Variants in PARVB observed in about 807,000 individuals in gnomAD.
PARVB encodes beta-parvin.
PARVB carries 46 observed loss-of-function variants against 47.0 expected under a neutral mutation model. The ratio of observed to expected loss-of-function variants is 0.98; its 90% CI spans 0.77 to 1.25. The LOEUF is 1.25. Among genes scored for constraint, PARVB ranks in the 50% most tolerant of loss-of-function variants. PARVB has a pLI of 0.00. For missense variants in PARVB, 473 were observed against 471.6 expected (o/e 1.00, Z -0.03); for synonymous variants, 196 against 196.3 (o/e 1.00, Z 0.01).
chr22:44,134,128 C>A (rs1044473092), intron 6 of PARVB, among the ~76,000 whole-genome samples: 1 of 152,042 alleles, frequency 6.6e-6, no homozygotes, highest in Non-Finnish European at 1.5e-5. Context: ...CGGGGAGGAC[C>A]TGGCTGTCAC....
intron 9 of PARVB, 166 bp from the exon 10 acceptor site, chr22:44,151,317 C>T (rs2053802843): frequency 1.7e-6 from 1 of 591,304 alleles, no homozygotes; most frequent in Non-Finnish European, 3.1e-6. Flanking sequence ...AAACTAGGGG[C>T]TACTGTCAGG....
intron 3 of PARVB, 125 bp from the exon 4 acceptor site, chr22:44,118,913 G>A: frequency 1.4e-6 from 1 of 706,218 alleles, no homozygotes; most frequent in Admixed American, 2.0e-5. Context: ...CTCTGTCCCT[G>A]TACTTGCTGT....
intron 1 of PARVB, among the ~76,000 whole-genome samples, chr22:44,038,081 A>G (rs904207719): frequency 6.6e-6 from 1 of 151,578 alleles, no homozygotes; most frequent in Non-Finnish European, 1.5e-5. Flanking sequence ...TGATCTGACA[A>G]CTCTCTGCCC....
At chr22:44,062,019 A>T (rs1254642102) in intron 1 of PARVB, among the ~76,000 whole-genome samples, 2 of 152,190 alleles carry the variant, frequency 1.3e-5, no homozygotes, top group Non-Finnish European at 2.9e-5. Flanking sequence ...CACATACAGA[A>T]TCCATGAATC....
At chr22:44,039,210 A>G (rs932381972) in intron 1 of PARVB, among the ~76,000 whole-genome samples, 2 of 152,166 alleles carry the variant, frequency 1.3e-5, no homozygotes, top group African/African-American at 2.4e-5. Context: ...CATCCTTCCT[A>G]TGACCCAGCA....
At chr22:44,069,113 G>A (rs567693425) in intron 1 of PARVB, 19 of 1,611,650 alleles carry the variant, frequency 1.2e-5, no homozygotes, top group East Asian at 1.1e-4. Flanking sequence ...TCCGACGTCC[G>A]CCGGCTGTGC....
At chr22:44,163,987 C>T (rs745614682) in intron 12 of PARVB, 57 bp downstream of exon 12, 29 of 1,386,908 alleles carry the variant, frequency 2.1e-5, no homozygotes, top group African/African-American at 8.6e-5. Context: ...GGAAGAAAAA[C>T]GGGTCCTAGA....
intron 1 of PARVB, among the ~76,000 whole-genome samples, chr22:44,071,707 G>A (rs1406304516): frequency 6.6e-6 from 1 of 152,186 alleles, no homozygotes; most frequent in East Asian, 1.9e-4. Context: ...AGTCATGATT[G>A]GGCTGATTAG....
At chr22:44,041,499 A>G (rs2051017860) in intron 1 of PARVB, among the ~76,000 whole-genome samples, 1 of 152,128 alleles carries the variant, frequency 6.6e-6, no homozygotes, top group African/African-American at 2.4e-5. Context: ...CTCAAAAAAT[A>G]AAATAAAATA....
chr22:44,031,037 T>C (rs559896962), intron 1 of PARVB, among the ~76,000 whole-genome samples: 7 of 152,298 alleles, frequency 4.6e-5, no homozygotes, highest in Middle Eastern at 3.4e-3. Flanking sequence ...GGAGCTGTTG[T>C]GTTGTGAGGC....
intron 12 of PARVB, among the ~76,000 whole-genome samples, chr22:44,167,263 G>A (rs1013445137): frequency 1.4e-4 from 22 of 152,204 alleles, no homozygotes; most frequent in Admixed American, 7.2e-4. Flanking sequence ...TCGATGGTGG[G>A]GTGGGTGTTT....
chr22:44,168,451 G>A (rs774524054), intron 12 of PARVB, 151 bp from the exon 13 acceptor site: 18 of 636,068 alleles, frequency 2.8e-5, no homozygotes, highest in Admixed American at 1.6e-4. Context: ...TGCCCAGAGC[G>A]TCCTGGACAT....
chr22:44,067,044 G>A (rs1425271968), intron 1 of PARVB, among the ~76,000 whole-genome samples: 39 of 152,078 alleles, frequency 2.6e-4, no homozygotes, highest in Admixed American at 2.5e-3. Context: ...GTCTCACTAT[G>A]TTGCTTAGGC....
intron 1 of PARVB, among the ~76,000 whole-genome samples, chr22:44,044,292 G>A (rs898462127): frequency 5.3e-5 from 8 of 150,612 alleles, no homozygotes; most frequent in Admixed American, 2.7e-4. Context: ...CTGGGTTCAC[G>A]CCATTCTTCT....
At chr22:44,099,967 T>G in intron 2 of PARVB, 86 bp from the exon 3 acceptor site, 1 of 1,064,808 alleles carries the variant, frequency 9.4e-7, no homozygotes, top group Non-Finnish European at 1.5e-6. Context: ...TCTCCATTTG[T>G]CAGAGATGAG....
chr22:44,129,689 G>A, intron 4 of PARVB, among the ~76,000 whole-genome samples: 1 of 152,254 alleles, frequency 6.6e-6, no homozygotes, highest in Admixed American at 6.5e-5. Flanking sequence ...GCGAGGAGCT[G>A]TTAGATCCAG....
chr22:44,158,109 T>C, intron 11 of PARVB, 26 bp downstream of exon 11: 1 of 1,463,368 alleles, frequency 6.8e-7, no homozygotes, highest in Non-Finnish European at 9.6e-7. Flanking sequence ...CCATCCTTGG[T>C]AGGGGCTCAA....
intron 1 of PARVB, among the ~76,000 whole-genome samples, chr22:44,045,444 T>C (rs1158133661): frequency 1.3e-5 from 2 of 152,204 alleles, no homozygotes; most frequent in East Asian, 1.9e-4. Context: ...TGGTGTCTCA[T>C]GTGTTACCCT....
intron 1 of PARVB, among the ~76,000 whole-genome samples, chr22:44,037,805 G>A (rs568808885): frequency 5.2e-4 from 79 of 152,304 alleles, no homozygotes; most frequent in Non-Finnish European, 8.5e-4. Flanking sequence ...AGGAAGACGC[G>A]CTAGAGGAGA....
Sources: allele counts gnomAD v4.1 joint callset (sites outside exome capture counted in the v4.1 genomes callset), GRCh38; gene constraint gnomAD v4.1.1; transcripts MANE v1.5; gene names NCBI Gene and HGNC (gene_info 2026-07-23, HGNC 2026-07-21).